Variants in FBXO16 observed in about 807,000 individuals in gnomAD.
The protein encoded by FBXO16 is F-box only protein 16.
FBXO16 carries 31 observed loss-of-function variants against 41.0 expected under a neutral mutation model. The ratio of observed to expected loss-of-function variants is 0.76; its 90% CI spans 0.57 to 1.02. The LOEUF is 1.02. Ranked by LOEUF, FBXO16 falls within the 50% of genes least tolerant of loss-of-function variation. The probability of loss-of-function intolerance (pLI) is 0.00; values close to 1 mark genes in which losing one functional copy is unlikely to be tolerated. For synonymous variants in FBXO16, 133 were observed against 117.8 expected (o/e 1.13, Z -0.84); for missense variants, 361 against 346.2 (o/e 1.04, Z -0.34).
chr8:28,459,488 T>G (rs1234295830), intron 4 of FBXO16, among the ~76,000 whole-genome samples: 1 of 151,434 alleles, frequency 6.6e-6, no homozygotes, highest in Non-Finnish European at 1.5e-5. Flanking sequence ...CGTGGTGACA[T>G]GCGCCTGTAA....
At chr8:28,486,526 C>T (rs1399257047) in intron 1 of FBXO16, among the ~76,000 whole-genome samples, 2 of 150,062 alleles carry the variant, frequency 1.3e-5, no homozygotes, top group Non-Finnish European at 3.0e-5. Flanking sequence ...CGCGCCTGGG[C>T]TACATTTCTT....
At chr8:28,478,758 G>T (rs908210080) in intron 2 of FBXO16, among the ~76,000 whole-genome samples, 3 of 150,246 alleles carry the variant, frequency 2.0e-5, no homozygotes, top group Admixed American at 6.7e-5. Context: ...GGAGGCAGAG[G>T]TTGCAGTGAG....
chr8:28,448,951 C>T (rs1221146821), intron 6 of FBXO16: 1 of 152,206 alleles, frequency 6.6e-6, no homozygotes, highest in Non-Finnish European at 1.5e-5. Flanking sequence ...TTGCCATTTA[C>T]AGGAAAAGTT....
At chr8:28,445,045 C>A (rs1802842274) in intron 7 of FBXO16, among the ~76,000 whole-genome samples, 2 of 152,026 alleles carry the variant, frequency 1.3e-5, no homozygotes, top group Non-Finnish European at 2.9e-5. Context: ...AACAGCCAAG[C>A]TTGTCCTTGG....
At chr8:28,486,288 G>A (rs1369965022) in intron 1 of FBXO16, among the ~76,000 whole-genome samples, 1 of 148,914 alleles carries the variant, frequency 6.7e-6, no homozygotes, top group Non-Finnish European at 1.5e-5. Context: ...GCAATGGTGC[G>A]ATCTTGGCTC....
intron 6 of FBXO16, among the ~76,000 whole-genome samples, chr8:28,448,014 G>GA (rs1802893283): frequency 6.6e-6 from 1 of 152,090 alleles, no homozygotes; most frequent in South Asian, 2.1e-4. Flanking sequence ...ATAGTTACCT[G>GA]TAAGTAGGAT....
chr8:28,487,093 C>T (rs981418458), intron 1 of FBXO16, among the ~76,000 whole-genome samples: 16 of 152,046 alleles, frequency 1.1e-4, no homozygotes, highest in African/African-American at 3.4e-4. Flanking sequence ...CTCCCCCAAG[C>T]GCCTGCACTG....
intron 4 of FBXO16, among the ~76,000 whole-genome samples, chr8:28,457,481 G>C (rs1445093862): frequency 4.6e-5 from 7 of 152,130 alleles, no homozygotes; most frequent in Admixed American, 4.6e-4. Context: ...ATGTGGCTGG[G>C]GAGGCCTCAC....
At chr8:28,453,273 T>A (rs1358510963) in intron 5 of FBXO16, among the ~76,000 whole-genome samples, 3 of 149,394 alleles carry the variant, frequency 2.0e-5, no homozygotes, top group Non-Finnish European at 4.4e-5. Flanking sequence ...AAGACCTCCC[T>A]ATCCTACTCT....
chr8:28,482,353 G>A (rs1803527817), intron 2 of FBXO16, among the ~76,000 whole-genome samples: 1 of 152,126 alleles, frequency 6.6e-6, no homozygotes, highest in Admixed American at 6.6e-5. Flanking sequence ...TATGGTGATT[G>A]TGTTTTCCTG....
At chr8:28,460,023 C>T (rs1369201702) in intron 4 of FBXO16, among the ~76,000 whole-genome samples, 2 of 151,638 alleles carry the variant, frequency 1.3e-5, no homozygotes, top group African/African-American at 4.8e-5. Flanking sequence ...AAGACTTCAT[C>T]TCAAAAAACA....
chr8:28,477,658 A>T (rs1803444011), intron 2 of FBXO16, among the ~76,000 whole-genome samples: 1 of 152,188 alleles, frequency 6.6e-6, no homozygotes, highest in African/African-American at 2.4e-5. Context: ...GAAGTAAGAA[A>T]ATGAAAGCTC....
In FBXO16 at chr8:28,438,644, C is replaced by T. The variant is rs374342063; in HGVS notation, c.843+8527G>A. On this transcript the variant is annotated intron_variant, in intron 7 of 8. Coordinates refer to ENST00000380254, the MANE Select transcript of FBXO16 (RefSeq NM_172366.4). ...GTGCTAATGCTTTACATCCTCCTCC[C>T]AATTCAGTGACGTTCGTTAGTCTTG... 4.6e-5 allele frequency among the ~76,000 whole-genome samples: 7 copies of T among 152,192 alleles called. No individual in the cohort carries two copies. The East Asian group carries it at 1.3e-3, about 29-fold the overall frequency.
At chr8:28,475,209 C>A (rs1803405436) in intron 2 of FBXO16, among the ~76,000 whole-genome samples, 1 of 152,204 alleles carries the variant, frequency 6.6e-6, no homozygotes, top group Admixed American at 6.5e-5. Context: ...ATGCTTCCCA[C>A]ACATCATGCT....
Position 28,452,243 on chromosome 8 carries a change from C to T in FBXO16, c.740+1G>A. ...GTTGAGAAGAGCATGGAGCTTCTTACCCTTGCTGGACAGTCTCCATGGGGT... is the reference window on the plus strand; with the variant it reads ...GTTGAGAAGAGCATGGAGCTTCTTATCCTTGCTGGACAGTCTCCATGGGGT... On this transcript the variant is annotated splice_donor_variant, in intron 6 of 8. Coordinates refer to ENST00000380254, the MANE Select transcript of FBXO16 (RefSeq NM_172366.4). LOFTEE classifies it high-confidence loss of function. 6.2e-7 allele frequency: 1 copy of T among 1,612,284 alleles called. No homozygotes were observed.
chr8:28,464,523 T>C (rs1191467233), intron 3 of FBXO16, among the ~76,000 whole-genome samples: 1 of 152,242 alleles, frequency 6.6e-6, no homozygotes. Flanking sequence ...ACCAGCTTAG[T>C]GAGCTACTTC....
intron 7 of FBXO16, among the ~76,000 whole-genome samples, chr8:28,443,000 T>G (rs1802804810): frequency 6.6e-6 from 1 of 150,886 alleles, no homozygotes; most frequent in South Asian, 2.1e-4. Context: ...CCCAGAGAGA[T>G]GGACTAAGGA....
rs1803182726 is a variant in FBXO16 at position 28,463,663 on chromosome 8, A to AG, written c.290dup (p.Leu98PhefsTer27). 1 of 1,614,108 alleles carries AG rather than the reference A, an allele frequency of 6.2e-7. No homozygotes were observed. Among genetic ancestry groups the AG allele is most frequent in the Non-Finnish European group, 8.5e-7 (1 of 1,180,046 alleles). On this transcript the variant is annotated frameshift_variant, in exon 4 of 9. Coordinates refer to ENST00000380254, the MANE Select transcript of FBXO16 (RefSeq NM_172366.4). LOFTEE classifies it high-confidence loss of function. ...GGTCCAGGAAAGAAAAGATGTATAA[A>AG]GATAACACCCTTGGAAGCTTGGTTG... is the stretch of plus-strand genomic sequence containing the variant.
At chr8:28,458,547 T>C (rs370920801) in intron 4 of FBXO16, among the ~76,000 whole-genome samples, 983 of 75,784 alleles carry the variant, frequency 0.013, 9 homozygotes, top group African/African-American at 0.041. Flanking sequence ...TCTTCTTCTT[T>C]TTTTTTTTTT....
Sources: allele counts gnomAD v4.1 joint callset (sites outside exome capture counted in the v4.1 genomes callset), GRCh38; gene constraint gnomAD v4.1.1; transcripts MANE v1.5; gene names NCBI Gene and HGNC (gene_info 2026-07-23, HGNC 2026-07-21).